TET3: variants seen among roughly 807,000 people sequenced by gnomAD.
TET3 encodes the protein methylcytosine dioxygenase TET3.
A neutral mutation model predicts 141.4 loss-of-function variants in TET3; 19 were observed. That is an observed-to-expected ratio of 0.13 (90% CI 0.09 to 0.20). The LOEUF (loss-of-function observed/expected upper bound fraction) is 0.20, where lower values mean the gene tolerates loss of function less well. TET3 is among the 10% of genes least tolerant of loss of function. TET3 has a pLI of 1.00. For missense variants in TET3, 1,874 were observed against 2,356.9 expected, an observed-to-expected ratio of 0.80 and a Z score of 4.24; for synonymous variants, 1,043 against 980.9, an observed-to-expected ratio of 1.06 and a Z score of -1.18.
At chr2:74,066,471 G>T (rs1212536330) in intron 4 of TET3, among the ~76,000 whole-genome samples, 1 of 152,132 alleles carries the variant, frequency 6.6e-6, no homozygotes, top group African/African-American at 2.4e-5. Context: ...CATATATGAG[G>T]ATAATTAAAT....
At chr2:74,044,852 A>G (rs1687534799) in intron 3 of TET3, among the ~76,000 whole-genome samples, 1 of 152,240 alleles carries the variant, frequency 6.6e-6, no homozygotes, top group Non-Finnish European at 1.5e-5. Flanking sequence ...CCCATTGTCT[A>G]ATGATCCAAG....
intron 6 of TET3, 93 bp downstream of exon 6, chr2:74,080,684 C>A: frequency 5.3e-6 from 5 of 944,334 alleles, no homozygotes; most frequent in Non-Finnish European, 5.9e-6. Context: ...CTGCATGTAG[C>A]TGAGCAGGCG....
the TET3 span, among the ~76,000 whole-genome samples, chr2:74,132,465 G>A: frequency 1.3e-5 from 2 of 152,194 alleles, no homozygotes; most frequent in Admixed American, 1.3e-4. Context: ...ACAGCTTACT[G>A]CAGCCTCAAA....
In TET3 at chr2:73,986,039, AC is replaced by A. The variant is rs1298436436; in HGVS notation, c.-364del. 5.3e-6 allele frequency: 1 copy of A among 189,176 alleles called. No homozygotes were observed. Among genetic ancestry groups the A allele is most frequent in the African/African-American group, 2.3e-5 (1 of 42,906 alleles). 11.7% of individuals were successfully genotyped at this position (189,176 alleles called of 1,614,324 possible). A position where few individuals can be genotyped will look rare whatever the true frequency, so the allele number is the denominator to read the frequency against. ...GGAAAAATACCAGGAGAAACTGCTC[AC>A]TCAGCTCTGCCCCCACCACACCCCT... On this transcript the variant is annotated 5_prime_UTR_variant, in exon 2 of 12. Transcript: ENST00000409262.
chr2:74,091,758 G>T (rs1690508874), intron 8 of TET3, among the ~76,000 whole-genome samples: 1 of 152,164 alleles, frequency 6.6e-6, no homozygotes, highest in African/African-American at 2.4e-5. Flanking sequence ...AACCCTTTGT[G>T]CCTGTGCTCG....
intron 3 of TET3, among the ~76,000 whole-genome samples, chr2:74,027,496 C>A (rs1686439489): frequency 6.6e-6 from 1 of 152,052 alleles, no homozygotes; most frequent in South Asian, 2.1e-4. Flanking sequence ...CTAAAAGAAA[C>A]CCTGTGGCAA....
chr2:73,987,132 G>T (rs185810852), intron 2 of TET3, among the ~76,000 whole-genome samples: 46 of 152,298 alleles, frequency 3.0e-4, no homozygotes, highest in African/African-American at 1.1e-3. Flanking sequence ...GTTTTATGAT[G>T]CCCTGATGGA....
intron 3 of TET3, among the ~76,000 whole-genome samples, chr2:74,006,785 G>A (rs1355908644): frequency 6.6e-6 from 1 of 152,126 alleles, no homozygotes; most frequent in East Asian, 1.9e-4. Context: ...TGGGCTTTCG[G>A]CCTCATTTCC....
chr2:74,073,410 A>ATC (rs1689320373), intron 4 of TET3, 139 bp from the exon 5 acceptor site: 1 of 539,876 alleles, frequency 1.9e-6, no homozygotes, highest in East Asian at 3.2e-5. Context: ...GGAGTTGAAC[A>ATC]CCTTTTCACA....
upstream of TET3, among the ~76,000 whole-genome samples, chr2:73,984,191 C>T (rs560106326): frequency 6.6e-6 from 1 of 152,380 alleles, no homozygotes; most frequent in African/African-American, 2.4e-5. This position sits in a 1 kb window ranked among gnomAD's most constrained non-coding sequence, Gnocchi z 5.6. Context: ...GCCCGTTCCC[C>T]CTCCTCTGGG....
At chr2:74,056,352 A>AT (rs1453946695) in intron 4 of TET3, among the ~76,000 whole-genome samples, 1 of 152,246 alleles carries the variant, frequency 6.6e-6, no homozygotes, top group Non-Finnish European at 1.5e-5. Context: ...GAAAGGATAT[A>AT]TTCATTCTCT....
intron 3 of TET3, among the ~76,000 whole-genome samples, chr2:74,007,744 G>A (rs746631034): frequency 6.6e-6 from 1 of 152,320 alleles, no homozygotes; most frequent in South Asian, 2.1e-4. Flanking sequence ...GGTAAAGTGA[G>A]GGGATTGCCT....
rs1684024385 is a variant in TET3 at position 73,986,332 on chromosome 2, G to T, written c.-72G>T. ...TGTTCTAGGCGAGAAGGACCTGTTG[G>T]TGGCCTTTGGAGGTGGCAGGAAACG... is the stretch of plus-strand genomic sequence containing the variant. On this transcript the variant is annotated 5_prime_UTR_variant, in exon 2 of 12. Coordinates refer to ENST00000409262, the MANE Select transcript of TET3 (RefSeq NM_001287491.2). The T allele has an allele frequency of 2.5e-6, 3 of 1,213,124 alleles. No individual in the cohort carries two copies. The East Asian group carries it at 9.5e-5, about 38-fold the overall frequency. 75.1% of individuals were successfully genotyped at this position (1,213,124 alleles called of 1,614,324 possible).
intron 4 of TET3, among the ~76,000 whole-genome samples, chr2:74,062,387 A>G (rs1307014629): frequency 6.6e-6 from 1 of 152,270 alleles, no homozygotes; most frequent in Non-Finnish European, 1.5e-5. Flanking sequence ...GTTCAAATGT[A>G]AAGTCTAACT....
chr2:74,042,261 G>C (rs1042743558), intron 3 of TET3, among the ~76,000 whole-genome samples: 3 of 152,228 alleles, frequency 2.0e-5, no homozygotes, highest in African/African-American at 7.2e-5. Flanking sequence ...CCTACAGGGG[G>C]TTGGCAGGTA....
intron 4 of TET3, among the ~76,000 whole-genome samples, chr2:74,050,558 T>C (rs956114761): frequency 4.6e-5 from 7 of 152,234 alleles, no homozygotes; most frequent in Admixed American, 4.6e-4. Flanking sequence ...CGGTTTCCTT[T>C]TTTTATTTTT....
At chr2:74,060,512 A>AT (rs921737504) in intron 4 of TET3, among the ~76,000 whole-genome samples, 19 of 151,560 alleles carry the variant, frequency 1.3e-4, no homozygotes, top group South Asian at 1.3e-3. Context: ...TCATAAAAAC[A>AT]TTTTTTTTTA....
At chr2:74,015,295 G>A (rs1003614840) in intron 3 of TET3, among the ~76,000 whole-genome samples, 1 of 152,154 alleles carries the variant, frequency 6.6e-6, no homozygotes, top group East Asian at 1.9e-4. Context: ...TTTCCAAAAT[G>A]CAGAAAGTTT....
At chr2:74,049,786 G>C (rs986215966) in intron 4 of TET3, among the ~76,000 whole-genome samples, 7 of 152,126 alleles carry the variant, frequency 4.6e-5, no homozygotes, top group Admixed American at 4.6e-4. Context: ...AGGCAGAGGG[G>C]TGGGTGACAA....
Sources: gnomAD v4.1 joint callset for allele counts (sites outside exome capture counted in the v4.1 genomes callset) on GRCh38, gnomAD v4.1.1 for gene constraint, Gnocchi (gnomAD v3.1) non-coding constraint, MANE v1.5 for transcripts, NCBI Gene and HGNC (gene_info 2026-07-23, HGNC 2026-07-21) for gene names.